RAB37: variants seen among roughly 807,000 people sequenced by gnomAD.
RAB37 encodes RAB37, member RAS oncogene family.
Under a neutral mutation model 33.1 loss-of-function variants are expected in RAB37, and 29 were observed. The observed-to-expected ratio is 0.88, with a 90% confidence interval of 0.65 to 1.20. RAB37 has a LOEUF of 1.20. Ranked by LOEUF, RAB37 falls within the 50% of genes most tolerant of loss-of-function variation. The pLI is 0.00. For synonymous variants in RAB37, 128 were observed against 119.5 expected (o/e 1.07, Z -0.47); for missense variants, 299 against 301.1 (o/e 0.99, Z 0.05).
At chr17:74,711,645 G>A (rs76156522) in intron 1 of RAB37, among the ~76,000 whole-genome samples, 3,468 of 152,184 alleles carry the variant, frequency 0.023, 78 homozygotes, top group Middle Eastern at 0.075. Context: ...TCCTACACAA[G>A]AGCCCTCGTA....
chr17:74,717,955 T>C (rs549961568), intron 1 of RAB37, among the ~76,000 whole-genome samples: 2 of 152,162 alleles, frequency 1.3e-5, no homozygotes, highest in South Asian at 2.1e-4. Flanking sequence ...GCCTTGACCT[T>C]GGACTCTCCA....
upstream of RAB37, among the ~76,000 whole-genome samples, chr17:74,734,647 C>T (rs2034439057): frequency 6.6e-6 from 1 of 152,110 alleles, no homozygotes; most frequent in South Asian, 2.1e-4. Flanking sequence ...AGTTCAAGAC[C>T]AGCCTGGCCA....
intron 1 of RAB37, among the ~76,000 whole-genome samples, chr17:74,682,430 A>C (rs1227823205): frequency 1.3e-5 from 2 of 152,110 alleles, no homozygotes; most frequent in East Asian, 3.9e-4. Context: ...TCACATCCTC[A>C]CAGCTCCCAA....
chr17:74,724,679 G>A (rs192900541), intron 1 of RAB37, among the ~76,000 whole-genome samples: 25 of 152,328 alleles, frequency 1.6e-4, no homozygotes, highest in Admixed American at 9.1e-4. Context: ...ATGTTTTGCG[G>A]GCAGGGATGG....
intron 1 of RAB37, among the ~76,000 whole-genome samples, chr17:74,712,311 C>G (rs914889951): frequency 2.6e-5 from 4 of 152,206 alleles, no homozygotes; most frequent in Non-Finnish European, 5.9e-5. Flanking sequence ...CCAGTCTTAT[C>G]TCCTCTTGAC....
intron 1 of RAB37, among the ~76,000 whole-genome samples, chr17:74,687,147 A>C (rs1159527231): frequency 6.6e-6 from 1 of 152,170 alleles, no homozygotes; most frequent in Non-Finnish European, 1.5e-5. Flanking sequence ...AGGTACCTTC[A>C]GAAAAACAAA....
In RAB37 at chr17:74,747,060, A is replaced by AG. The variant is rs1390407139; in HGVS notation, c.*1654dup. On this transcript the variant is annotated 3_prime_UTR_variant, in exon 9 of 9. Transcript: ENST00000392613. The stretch of plus-strand genomic sequence containing the variant: ...CTTTACTGCAGCTCTGCCGGCCTGG[A>AG]GGGGGAGAGGGGGAGGAAGAAGTAT... 6.6e-6 allele frequency: 1 copy of AG among 152,244 alleles called. No individual in the cohort carries two copies. Among genetic ancestry groups the AG allele is most frequent in the African/African-American group, 2.4e-5 (1 of 41,386 alleles). The allele number at this position is 152,244 out of a possible 1,614,324, so 9.4% of individuals were successfully genotyped here.
chr17:74,728,367 A>G (rs550390125), intron 1 of RAB37, among the ~76,000 whole-genome samples: 1 of 144,818 alleles, frequency 6.9e-6, no homozygotes, highest in East Asian at 2.1e-4. Flanking sequence ...TTGTGTGTGT[A>G]GATGTTTTTG....
At chr17:74,686,489 C>T (rs1191562984) in intron 1 of RAB37, among the ~76,000 whole-genome samples, 2 of 152,110 alleles carry the variant, frequency 1.3e-5, no homozygotes, top group Admixed American at 6.5e-5. Flanking sequence ...CTCCTGGGTT[C>T]GAGTGATTCT....
At chr17:74,735,021 G>GGAAGGAAGGAAGAAAGAAAGAAAGAA (rs2034450199), upstream of RAB37, among the ~76,000 whole-genome samples, 1 of 45,096 alleles carries the variant, frequency 2.2e-5, no homozygotes, top group East Asian at 6.7e-4. Flanking sequence ...AAGGAAGGAA[G>GGAAGGAAGGAAGAAAGAAAGAAAGAA]AAAGAAAGAA....
intron 1 of RAB37, among the ~76,000 whole-genome samples, chr17:74,724,598 G>GA (rs2034283989): frequency 6.6e-6 from 1 of 152,248 alleles, no homozygotes; most frequent in Non-Finnish European, 1.5e-5. Context: ...TCCGAAAAGA[G>GA]AGTCAGCAAA....
rs1010845340 is a variant in RAB37, at chr17:74,671,262, A to G, written c.-325A>G. ...TACGCAGGGATCACCAGCCGGACCCAAATCTTGCGTCCCTGCCAGCATCCT... is the reference window on the plus strand; with the variant it reads ...TACGCAGGGATCACCAGCCGGACCCGAATCTTGCGTCCCTGCCAGCATCCT... On this transcript the variant is annotated 5_prime_UTR_variant, in exon 1 of 8. Transcript: ENST00000340415. The surrounding 1 kb of genome is among the most constrained non-coding windows in gnomAD (Gnocchi z 5.0). The G allele has an allele frequency of 1.6e-5, 5 of 311,206 alleles. No homozygotes were observed. In the South Asian group the frequency reaches 2.1e-4, roughly 13 times the overall value. 19.3% of individuals were successfully genotyped at this position (311,206 alleles called of 1,614,324 possible).
intron 1 of RAB37, chr17:74,704,967 T>G (rs2033390423): frequency 1.5e-6 from 1 of 659,040 alleles, no homozygotes; most frequent in East Asian, 2.7e-5. Flanking sequence ...CTTTTGTCCT[T>G]CAGCTTTCCA....
intron 1 of RAB37, among the ~76,000 whole-genome samples, chr17:74,690,707 G>A (rs1282481830): frequency 6.6e-6 from 1 of 152,168 alleles, no homozygotes; most frequent in Non-Finnish European, 1.5e-5. Flanking sequence ...GACTCCTACA[G>A]TCATAGCACT....
intron 1 of RAB37, chr17:74,694,949 C>A: frequency 1.1e-6 from 1 of 890,510 alleles, no homozygotes; most frequent in Non-Finnish European, 1.7e-6. Context: ...GGCCCCAAGC[C>A]CAACCCAGAG....
intron 1 of RAB37, among the ~76,000 whole-genome samples, chr17:74,727,800 G>A (rs1254347482): frequency 6.6e-6 from 1 of 152,154 alleles, no homozygotes; most frequent in Non-Finnish European, 1.5e-5. Flanking sequence ...TAGTGTGTTT[G>A]TGTGTCTGGG....
At chr17:74,699,359 G>A (rs2143647619) in intron 1 of RAB37, among the ~76,000 whole-genome samples, 1 of 152,268 alleles carries the variant, frequency 6.6e-6, no homozygotes, top group East Asian at 1.9e-4. Flanking sequence ...GGGTTGAATA[G>A]CGTCCTCTTC....
At chr17:74,699,522 A>G (rs994504928) in intron 1 of RAB37, among the ~76,000 whole-genome samples, 30 of 152,254 alleles carry the variant, frequency 2.0e-4, no homozygotes, top group African/African-American at 7.0e-4. Context: ...ACACACAGGA[A>G]GAAGACCATG....
Position 74,744,483 on chromosome 17 carries a change from G to A in RAB37, c.432+110G>A. Reference sequence around the variant, plus strand: ...AGGCATCCTTCCTGAAAAGGACTCTGCAGCCTCCAGCTCAGGGGTCAGACA... The same window carrying A: ...AGGCATCCTTCCTGAAAAGGACTCTACAGCCTCCAGCTCAGGGGTCAGACA... On this transcript the variant is annotated intron_variant, in intron 6 of 8. Transcript: ENST00000392613. The surrounding 1 kb of genome is among the most constrained non-coding windows in gnomAD (Gnocchi z 4.2). 1 of 1,005,756 alleles carries A rather than the reference G, an allele frequency of 9.9e-7. No homozygotes were observed. Among genetic ancestry groups the A allele is most frequent in the Non-Finnish European group, 1.6e-6 (1 of 642,176 alleles). 62.3% of individuals were successfully genotyped at this position (1,005,756 alleles called of 1,614,324 possible). A position where few individuals can be genotyped will look rare whatever the true frequency, so the allele number is the denominator to read the frequency against.
Sources: gnomAD v4.1 joint callset for allele counts (sites outside exome capture counted in the v4.1 genomes callset) on GRCh38, gnomAD v4.1.1 for gene constraint, Gnocchi (gnomAD v3.1) non-coding constraint, MANE v1.5 for transcripts, NCBI Gene and HGNC (gene_info 2026-07-23, HGNC 2026-07-21) for gene names.